ASAP2: variants seen among roughly 807,000 people sequenced by gnomAD.
ASAP2 encodes the protein ArfGAP with SH3 domain, ankyrin repeat and PH domain 2, also known as arf-GAP with SH3 domain, ANK repeat and PH domain-containing protein 2.
ASAP2 carries 45 observed loss-of-function variants against 131.4 expected under a neutral mutation model. That is an observed-to-expected ratio of 0.34 (90% CI 0.27 to 0.44). The LOEUF (loss-of-function observed/expected upper bound fraction) is 0.44, where lower values mean the gene tolerates loss of function less well. ASAP2 is among the 20% of genes least tolerant of loss of function. The pLI is 1.00. For synonymous variants in ASAP2, 510 were observed against 503.0 expected, an observed-to-expected ratio of 1.01 and a Z score of -0.19; for missense variants, 1,011 against 1,297.0, an observed-to-expected ratio of 0.78 and a Z score of 3.39.
chr2:9,375,871 C>A (rs754222977), intron 17 of ASAP2, among the ~76,000 whole-genome samples: 1 of 152,196 alleles, frequency 6.6e-6, no homozygotes, highest in Non-Finnish European at 1.5e-5. Context: ...TGTGCTCCCC[C>A]TCAGAGGGAA....
intron 2 of ASAP2, among the ~76,000 whole-genome samples, chr2:9,282,305 G>A (rs960684225): frequency 3.3e-5 from 5 of 152,274 alleles, no homozygotes; most frequent in African/African-American, 1.2e-4. Context: ...CCTAAAACCA[G>A]AGCCTGATCC....
At chr2:9,348,028 C>T (rs1295676963) in intron 11 of ASAP2, among the ~76,000 whole-genome samples, 1 of 152,212 alleles carries the variant, frequency 6.6e-6, no homozygotes, top group African/African-American at 2.4e-5. Context: ...ACTAGGGCTT[C>T]TCAAATTAAA....
rs185735214 is a variant in ASAP2 at position 9,291,048 on chromosome 2, T to A, written c.200-6252T>A. On this transcript the variant is annotated intron_variant, in intron 2 of 27. Coordinates refer to ENST00000281419, the MANE Select transcript of ASAP2 (RefSeq NM_003887.3). ...ATCTAATTTTATGTCCTCCCTTTTT[T>A]AAACTTGGCTTTCTGCTCCTACCAT... Among the ~76,000 whole-genome samples the A allele has an allele frequency of 9.2e-5, 14 of 152,382 alleles. 1 individual carries two copies.
At position 9,207,185 on chromosome 2, in the gene ASAP2, C is replaced by T. The variant is rs752785185; in HGVS notation, c.81C>T (p.Thr27=). ...AGGCGCCCACGGCCTCCAGCTTCAC[C>T]ACCCGCACGGCGCAGTGCCGGAACA... ...DYKAPTASSF[T]TRTAQCRNTV... Residue 27 remains threonine, a synonymous_variant, in exon 1 of 28, where the codon ACC becomes ACT. Coordinates refer to ENST00000281419, the MANE Select transcript of ASAP2 (RefSeq NM_003887.3). This position sits in a 1 kb window ranked among gnomAD's most constrained non-coding sequence, Gnocchi z 4.1. 1.2e-6 allele frequency: 2 copies of T among 1,604,490 alleles called. No individual in the cohort carries two copies. Among genetic ancestry groups the T allele is most frequent in the South Asian group, 1.1e-5 (1 of 89,934 alleles).
intron 24 of ASAP2, among the ~76,000 whole-genome samples, chr2:9,398,671 T>G (rs1676380434): frequency 6.6e-6 from 1 of 152,068 alleles, no homozygotes; most frequent in Non-Finnish European, 1.5e-5. Flanking sequence ...TTGCTGTGCG[T>G]GGTGGTGCAC....
intron 2 of ASAP2, among the ~76,000 whole-genome samples, chr2:9,291,303 T>G (rs1667791205): frequency 6.6e-6 from 1 of 152,186 alleles, no homozygotes; most frequent in Admixed American, 6.5e-5. Flanking sequence ...TGAAAATATG[T>G]TTTCAGCCGT....
In ASAP2 at chr2:9,297,316, A is replaced by G; in HGVS notation, c.216A>G (p.Glu72=). The G allele has an allele frequency of 6.2e-7, 1 of 1,613,826 alleles. No homozygotes were observed. The highest frequency in any genetic ancestry group is 8.5e-7 in the Non-Finnish European group (1 of 1,179,752). The part of the protein sequence containing the change: ...NSSGLAHVEN[E]EQYTQALEKF... ...CTGTTGCAGCTCACGTGGAAAATGA[A>G]GAGCAGTACACCCAGGCTCTGGAGA... Residue 72 remains glutamate (E), a synonymous_variant, in exon 3 of 28, where the codon GAA becomes GAG. Coordinates refer to ENST00000281419, the MANE Select transcript of ASAP2 (RefSeq NM_003887.3).
At chr2:9,395,554 T>TTTTTG (rs756728313) in intron 24 of ASAP2, among the ~76,000 whole-genome samples, 10 of 151,176 alleles carry the variant, frequency 6.6e-5, no homozygotes, top group South Asian at 2.1e-4. Context: ...TGTTTTTGTT[T>TTTTTG]TTTTGTTTTG....
At chr2:9,219,510 AAGTCCCTGGAATAAATTAC>A (rs1662275729) in intron 1 of ASAP2, among the ~76,000 whole-genome samples, 1 of 152,224 alleles carries the variant, frequency 6.6e-6, no homozygotes, top group African/African-American at 2.4e-5. Flanking sequence ...TGGATGTGAA[AAGTCCCTGGAATAAATTAC>A]AGGAACAAAA....
chr2:9,305,695 G>C (rs1668869432), intron 3 of ASAP2, among the ~76,000 whole-genome samples: 1 of 144,534 alleles, frequency 6.9e-6, no homozygotes, highest in Non-Finnish European at 1.5e-5. Context: ...TATTGGTGGA[G>C]AGGCTGTAGT....
rs1676925403 is a variant in ASAP2 at position 9,403,478 on chromosome 2, T to C, written c.*151T>C. ...TGTTTTAAAAACTCAGAGGCAATTTTTACATATCAGTAATTGTTTTTATAA... is the reference window on the plus strand; with the variant it reads ...TGTTTTAAAAACTCAGAGGCAATTTCTACATATCAGTAATTGTTTTTATAA... On this transcript the variant is annotated 3_prime_UTR_variant, in exon 28 of 28. Coordinates refer to ENST00000281419, the MANE Select transcript of ASAP2 (RefSeq NM_003887.3). 1.6e-6 allele frequency: 1 copy of C among 621,664 alleles called. No individual in the cohort carries two copies. Among genetic ancestry groups the C allele is most frequent in the Non-Finnish European group, 2.7e-6 (1 of 365,714 alleles). 38.5% of individuals were successfully genotyped at this position (621,664 alleles called of 1,614,324 possible). A position where few individuals can be genotyped will look rare whatever the true frequency, so the allele number is the denominator to read the frequency against.
intron 1 of ASAP2, among the ~76,000 whole-genome samples, chr2:9,275,839 A>C (rs1459694286): frequency 6.6e-6 from 1 of 152,230 alleles, no homozygotes; most frequent in Non-Finnish European, 1.5e-5. Context: ...CATTAAAAAA[A>C]CTAAAAAGAG....
intron 3 of ASAP2, among the ~76,000 whole-genome samples, chr2:9,298,855 GC>G (rs1279935649): frequency 5.7e-4 from 87 of 152,258 alleles, no homozygotes; most frequent in African/African-American, 1.9e-3. Context: ...GTACAGATGA[GC>G]AGCCTCCAGC....
intron 1 of ASAP2, among the ~76,000 whole-genome samples, chr2:9,243,151 C>T (rs1664095566): frequency 6.6e-6 from 1 of 152,148 alleles, no homozygotes; most frequent in Non-Finnish European, 1.5e-5. Context: ...CTCTGTCGCC[C>T]AGGCTGGAGT....
intron 5 of ASAP2, among the ~76,000 whole-genome samples, chr2:9,320,885 T>A (rs541666456): frequency 2.7e-4 from 41 of 152,316 alleles, no homozygotes; most frequent in African/African-American, 9.6e-4. Context: ...AGAAGTAGAA[T>A]TGGTTTCCTG....
At chr2:9,228,913 C>T (rs1357430540) in intron 1 of ASAP2, among the ~76,000 whole-genome samples, 1 of 152,176 alleles carries the variant, frequency 6.6e-6, no homozygotes, top group Admixed American at 6.5e-5. Flanking sequence ...ATTTCTGTGA[C>T]ATTTCCAGCA....
chr2:9,358,981 T>C lies in ASAP2; in HGVS notation c.1461+92T>C, dbSNP rs1330666730. The C allele has an allele frequency of 9.1e-6, 13 of 1,422,598 alleles. No homozygotes were observed. In the East Asian group the frequency reaches 2.8e-4, roughly 31 times the overall value. 88.1% of individuals were successfully genotyped at this position (1,422,598 alleles called of 1,614,324 possible). ...ATTCTAATCCATTTTGGTAAGCTAG[T>C]GGTTGTTGATATGTTGCCAGATTGG... On this transcript the variant is annotated intron_variant, in intron 15 of 27. Transcript: ENST00000281419.
chr2:9,365,040 A>C (rs773173181), intron 15 of ASAP2, among the ~76,000 whole-genome samples: 11 of 152,192 alleles, frequency 7.2e-5, no homozygotes, highest in Non-Finnish European at 8.8e-5. Context: ...TATCAGAAAA[A>C]ATTGAGCACC....
intron 1 of ASAP2, among the ~76,000 whole-genome samples, chr2:9,239,228 CT>C (rs1663769787): frequency 6.6e-6 from 1 of 152,204 alleles, no homozygotes; most frequent in South Asian, 2.1e-4. Flanking sequence ...AACACTGCAA[CT>C]ACTCTTTGGT....
Sources: allele counts gnomAD v4.1 joint callset (sites outside exome capture counted in the v4.1 genomes callset), GRCh38; gene constraint gnomAD v4.1.1; non-coding constraint Gnocchi (gnomAD v3.1); transcripts MANE v1.5; gene names NCBI Gene and HGNC (gene_info 2026-07-23, HGNC 2026-07-21).